Variants in PLXNA4 observed in about 807,000 individuals in gnomAD.
The protein encoded by PLXNA4 is plexin A4.
PLXNA4 carries 44 observed loss-of-function variants against 191.8 expected under a neutral mutation model. The observed-to-expected ratio is 0.23, with a 90% confidence interval of 0.18 to 0.29. The LOEUF (loss-of-function observed/expected upper bound fraction) is 0.29, where lower values mean the gene tolerates loss of function less well. PLXNA4 is among the 10% of genes least tolerant of loss of function. PLXNA4 has a pLI of 1.00. For missense variants in PLXNA4, 1,800 were observed against 2,488.8 expected, an observed-to-expected ratio of 0.72 and a Z score of 5.89; for synonymous variants, 1,082 against 1,009.5, an observed-to-expected ratio of 1.07 and a Z score of -1.36.
chr7:132,325,065 C>G (rs1802307237), intron 3 of PLXNA4, among the ~76,000 whole-genome samples: 3 of 152,140 alleles, frequency 2.0e-5, no homozygotes, highest in Admixed American at 2.0e-4. Context: ...ACACCTGCCC[C>G]CACCTGCCTT....
At position 132,635,170 on chromosome 7, in the gene PLXNA4, T is replaced by TTATATA. The variant is rs3037811; in HGVS notation, c.-87+10752_-87+10757dup. Among the ~76,000 whole-genome samples, 863 of 131,732 alleles carry TTATATA rather than the reference T, an allele frequency of 6.6e-3. 6 individuals carry two copies. The highest frequency in any genetic ancestry group is 8.9e-3 in the Admixed American group (118 of 13,216). The allele number at this position is 131,732 out of a possible 152,430, so 86.4% of individuals were successfully genotyped here. The stretch of plus-strand genomic sequence containing the variant: ...GAGTTAATACTTAATAAACTCCCCT[T>TTATATA]TATATATATATATATATATATATAT... On this transcript the variant is annotated intron_variant, in intron 2 of 4. Coordinates refer to the PLXNA4 transcript ENST00000378539.
At chr7:132,219,059 C>G (rs1343722660) in intron 9 of PLXNA4, among the ~76,000 whole-genome samples, 1 of 152,172 alleles carries the variant, frequency 6.6e-6, no homozygotes, top group Non-Finnish European at 1.5e-5. Flanking sequence ...TCCTGAGATG[C>G]AAGATGGTGC....
At chr7:132,410,916 C>T (rs992350669) in intron 3 of PLXNA4, among the ~76,000 whole-genome samples, 1 of 152,170 alleles carries the variant, frequency 6.6e-6, no homozygotes, top group African/African-American at 2.4e-5. Flanking sequence ...ACGTGAGCCC[C>T]AGGAGATACC....
chr7:132,383,741 C>T (rs1055186483), intron 3 of PLXNA4: 13 of 984,580 alleles, frequency 1.3e-5, no homozygotes, highest in Non-Finnish European at 1.6e-5. Context: ...GATTATTACC[C>T]TTGAAACAAA....
At chr7:132,595,778 T>A (rs1257868650) in intron 2 of PLXNA4, among the ~76,000 whole-genome samples, 1 of 152,180 alleles carries the variant, frequency 6.6e-6, no homozygotes, top group African/African-American at 2.4e-5. Flanking sequence ...ATAAACTGTT[T>A]AAGATTAATA....
chr7:132,374,930 C>T (rs980329447), intron 3 of PLXNA4, among the ~76,000 whole-genome samples: 5 of 152,194 alleles, frequency 3.3e-5, no homozygotes, highest in African/African-American at 1.2e-4. Context: ...GGGACAAGCT[C>T]TCTGTGTGTT....
At chr7:132,205,143 T>C (rs920122173) in intron 10 of PLXNA4, among the ~76,000 whole-genome samples, 26 of 152,208 alleles carry the variant, frequency 1.7e-4, no homozygotes, top group Non-Finnish European at 3.4e-4. Context: ...TTGATCATCA[T>C]AGAACTCAAT....
intron 3 of PLXNA4, among the ~76,000 whole-genome samples, chr7:132,415,409 C>G (rs1401956691): frequency 6.6e-6 from 1 of 152,150 alleles, no homozygotes; most frequent in Non-Finnish European, 1.5e-5. Flanking sequence ...CAGCTTGTGT[C>G]AGTGTAGCTG....
chr7:132,427,775 A>G lies in PLXNA4; in HGVS notation c.1371+61517T>C, dbSNP rs548475447. 1.1e-4 allele frequency among the ~76,000 whole-genome samples: 17 copies of G among 152,342 alleles called. 1 individual carries two copies. The East Asian group carries it at 2.5e-3, about 23-fold the overall frequency. ...CTGCCCGATGCCTTCTCTAGAACCC[A>G]TCATGCACTACGTGCTTCATACATG... On this transcript the variant is annotated intron_variant, in intron 3 of 31. Transcript: ENST00000321063.
At chr7:132,380,666 G>A (rs1416809440) in intron 3 of PLXNA4, among the ~76,000 whole-genome samples, 1 of 152,100 alleles carries the variant, frequency 6.6e-6, no homozygotes, top group Non-Finnish European at 1.5e-5. Flanking sequence ...TCAGGAGCAG[G>A]GCCTCACGGG....
intron 4 of PLXNA4, among the ~76,000 whole-genome samples, chr7:132,268,115 G>C (rs1331772115): frequency 2.0e-5 from 3 of 152,184 alleles, no homozygotes; most frequent in Admixed American, 6.5e-5. Context: ...GATTAAAAAT[G>C]CAATCGACTG....
At chr7:132,206,988 A>G (rs1347479344) in intron 10 of PLXNA4, among the ~76,000 whole-genome samples, 2 of 152,172 alleles carry the variant, frequency 1.3e-5, no homozygotes, top group African/African-American at 4.8e-5. Context: ...ACCTTGGGAA[A>G]GTGTGAACCT....
chr7:132,198,722 TGTCTC>T, intron 12 of PLXNA4, 86 bp from the exon 13 acceptor site: 1 of 1,550,004 alleles, frequency 6.5e-7, no homozygotes, highest in Non-Finnish European at 8.7e-7. Context: ...TGCTGGCTCT[TGTCTC>T]ATCTGCCCCA....
chr7:132,445,157 G>GAAAAAAAAAAAA (rs71529762), intron 3 of PLXNA4, among the ~76,000 whole-genome samples: 1 of 53,800 alleles, frequency 1.9e-5, no homozygotes, highest in East Asian at 7.4e-4. Flanking sequence ...TCCATCTCAG[G>GAAAAAAAAAAAA]AAAAAAAAAA....
chr7:132,198,014 A>G (rs1797305611), intron 13 of PLXNA4, among the ~76,000 whole-genome samples: 1 of 152,180 alleles, frequency 6.6e-6, no homozygotes, highest in Non-Finnish European at 1.5e-5. Flanking sequence ...TGACCCATTC[A>G]GTGGGCCAGC....
chr7:132,575,905 C>G (rs1802203308), intron 1 of PLXNA4, among the ~76,000 whole-genome samples: 1 of 152,196 alleles, frequency 6.6e-6, no homozygotes, highest in Non-Finnish European at 1.5e-5. Flanking sequence ...TGGGCCACCA[C>G]TCTCTCCAAA....
intron 1 of PLXNA4, among the ~76,000 whole-genome samples, chr7:132,512,743 A>G (rs777070614): frequency 1.3e-5 from 2 of 152,182 alleles, no homozygotes; most frequent in African/African-American, 4.8e-5. Flanking sequence ...AGGCTGCTCC[A>G]ATCTGGCAAA....
chr7:132,305,148 TG>T (rs1801461225), intron 3 of PLXNA4, among the ~76,000 whole-genome samples: 2 of 151,534 alleles, frequency 1.3e-5, no homozygotes, highest in East Asian at 3.9e-4. Context: ...TGGGAGAGAG[TG>T]GTGATAAGTG....
chr7:132,438,249 T>C (rs1349797442), intron 3 of PLXNA4, among the ~76,000 whole-genome samples: 1 of 152,232 alleles, frequency 6.6e-6, no homozygotes, highest in African/African-American at 2.4e-5. Flanking sequence ...AGAGCTTCAG[T>C]GTCCTCATCT....
Sources: gnomAD v4.1 joint callset for allele counts (sites outside exome capture counted in the v4.1 genomes callset) on GRCh38, gnomAD v4.1.1 for gene constraint, MANE v1.5 for transcripts, NCBI Gene and HGNC (gene_info 2026-07-23, HGNC 2026-07-21) for gene names.